Variants in SDHA observed in about 807,000 individuals in gnomAD.
SDHA encodes the protein succinate dehydrogenase complex flavoprotein subunit A.
A neutral mutation model predicts 78.4 loss-of-function variants in SDHA; 48 were observed. The ratio of observed to expected loss-of-function variants is 0.61; its 90% CI spans 0.49 to 0.78. The LOEUF is 0.78. Ranked by LOEUF, SDHA falls within the 30% of genes least tolerant of loss-of-function variation. SDHA has a pLI of 0.00. For synonymous variants in SDHA, 326 were observed against 353.9 expected, an observed-to-expected ratio of 0.92 and a Z score of 0.88; for missense variants, 680 against 892.7, an observed-to-expected ratio of 0.76 and a Z score of 3.04.
At chr5:241,841 GAGA>G (rs753679527) in intron 11 of SDHA, among the ~76,000 whole-genome samples, 2 of 152,268 alleles carry the variant, frequency 1.3e-5, no homozygotes, top group Non-Finnish European at 2.9e-5. Context: ...GTGGAATGGT[GAGA>G]AGAACAGTGT....
At chr5:251,800 A>G in intron 13 of SDHA, 1 of 1,266,008 alleles carries the variant, frequency 7.9e-7, no homozygotes, top group Non-Finnish European at 1.0e-6. Flanking sequence ...CGAGTAAGCC[A>G]TCATTTCAAG....
chr5:248,322 G>A (rs1736601187), intron 11 of SDHA, among the ~76,000 whole-genome samples: 1 of 152,172 alleles, frequency 6.6e-6, no homozygotes, highest in Non-Finnish European at 1.5e-5. Flanking sequence ...GTCGAACACA[G>A]CCACCCACCT....
chr5:243,617 G>A (rs1736272040), intron 11 of SDHA, among the ~76,000 whole-genome samples: 1 of 152,112 alleles, frequency 6.6e-6, no homozygotes, highest in Non-Finnish European at 1.5e-5. Flanking sequence ...GTAAAACAGG[G>A]ACCAAAAGAA....
chr5:240,165 G>A (rs1356322356), intron 10 of SDHA, among the ~76,000 whole-genome samples, 193 bp from the exon 11 acceptor site: 2 of 152,124 alleles, frequency 1.3e-5, no homozygotes, highest in Non-Finnish European at 2.9e-5. Flanking sequence ...TTGCCTTTAT[G>A]TTCTTTAAAA....
chr5:226,809 G>C (rs1735056938), intron 5 of SDHA, among the ~76,000 whole-genome samples: 1 of 149,516 alleles, frequency 6.7e-6, no homozygotes, highest in Non-Finnish European at 1.5e-5. Flanking sequence ...GGCACCTGTA[G>C]TCCCAGCTGC....
At chr5:244,111 G>A (rs1202801771) in intron 11 of SDHA, among the ~76,000 whole-genome samples, 1 of 152,050 alleles carries the variant, frequency 6.6e-6, no homozygotes, top group South Asian at 2.1e-4. Context: ...GCCCGTCCTG[G>A]GTCCCGTTCC....
At chr5:259,440 C>T (rs1737402157), downstream of SDHA, among the ~76,000 whole-genome samples, 1 of 50,382 alleles carries the variant, frequency 2.0e-5, no homozygotes, top group Non-Finnish European at 3.6e-5. Flanking sequence ...CGCCTCCCGA[C>T]AGAGCATTAC....
chr5:247,443 A>G lies in SDHA; in HGVS notation c.1552-3549A>G, dbSNP rs531162527. On this transcript the variant is annotated intron_variant, in intron 11 of 14. Coordinates refer to ENST00000264932, the MANE Select transcript of SDHA (RefSeq NM_004168.4). The stretch of plus-strand genomic sequence containing the variant: ...TCGCCTAGTTGCTACTGCAATATCT[A>G]ATGCTAGACACTTTCACAATTTAAC... Among the ~76,000 whole-genome samples, 8 of 152,354 alleles carry G rather than the reference A, an allele frequency of 5.3e-5. No homozygotes were observed. In the South Asian group the frequency reaches 1.0e-3, roughly 20 times the overall value.
chr5:262,190 G>GT, the SDHA span, among the ~76,000 whole-genome samples: 7 of 57,820 alleles, frequency 1.2e-4, no homozygotes, highest in Non-Finnish European at 2.3e-4. Flanking sequence ...TCCGCCTCCC[G>GT]CCAGAGCATT....
chr5:265,749 G>A, the SDHA span, among the ~76,000 whole-genome samples: 2 of 152,170 alleles, frequency 1.3e-5, no homozygotes, highest in African/African-American at 2.4e-5. Flanking sequence ...GAACCCGGGA[G>A]GCGGAGGTTG....
At chr5:224,199 C>T (rs1330132178) in intron 2 of SDHA, among the ~76,000 whole-genome samples, 161 bp from the exon 3 acceptor site, 1 of 152,206 alleles carries the variant, frequency 6.6e-6, no homozygotes, top group Non-Finnish European at 1.5e-5. Flanking sequence ...ATGTGCCCAC[C>T]TCTCCCCGAA....
At chr5:257,492 CAG>C (rs1272500484), downstream of SDHA, among the ~76,000 whole-genome samples, 7 of 118,084 alleles carry the variant, frequency 5.9e-5, no homozygotes, top group Admixed American at 5.0e-4. Flanking sequence ...CGCCTCCTGT[CAG>C]AGCGTTACCG....
chr5:259,982 G>C (rs1353594258), downstream of SDHA, among the ~76,000 whole-genome samples: 9 of 51,526 alleles, frequency 1.7e-4, no homozygotes, highest in East Asian at 3.9e-4. Flanking sequence ...TCCGCCTCCC[G>C]CCAGAGCATT....
the SDHA span, among the ~76,000 whole-genome samples, chr5:267,947 A>G: frequency 6.6e-6 from 1 of 152,148 alleles, no homozygotes; most frequent in Non-Finnish European, 1.5e-5. Context: ...AGCAACCCCC[A>G]TCATTGGCAA....
intron 13 of SDHA, chr5:251,961 C>T (rs1246358074): frequency 1.5e-5 from 5 of 337,110 alleles, no homozygotes; most frequent in South Asian, 6.9e-5. Context: ...TATTAAATAA[C>T]GAGTAAGCCA....
At chr5:224,079 A>G (rs943132481) in intron 2 of SDHA, among the ~76,000 whole-genome samples, 6 of 152,340 alleles carry the variant, frequency 3.9e-5, no homozygotes, top group African/African-American at 1.2e-4. Context: ...CTTCTCAGGC[A>G]TAAGCATAGG....
intron 4 of SDHA, 160 bp downstream of exon 4, chr5:225,722 A>G (rs1734978012): frequency 3.0e-6 from 4 of 1,330,548 alleles, no homozygotes; most frequent in South Asian, 1.2e-5. Context: ...TATGCATTAT[A>G]TGTAACAAGA....
intron 11 of SDHA, among the ~76,000 whole-genome samples, chr5:248,411 T>G (rs1296652732): frequency 1.3e-5 from 2 of 152,238 alleles, no homozygotes; most frequent in East Asian, 3.8e-4. Context: ...ATGAGTAATT[T>G]AATGGTAGCT....
intron 1 of SDHA, among the ~76,000 whole-genome samples, chr5:219,167 G>C (rs1436065270): frequency 1.3e-5 from 2 of 152,234 alleles, no homozygotes; most frequent in Non-Finnish European, 2.9e-5. Context: ...CGCACTGACC[G>C]GGCGAGGACG....
Sources: allele counts gnomAD v4.1 joint callset (sites outside exome capture counted in the v4.1 genomes callset), GRCh38; gene constraint gnomAD v4.1.1; transcripts MANE v1.5; gene names NCBI Gene and HGNC (gene_info 2026-07-23, HGNC 2026-07-21).